Variants in ABCA3 observed in about 807,000 individuals in gnomAD.
The protein encoded by ABCA3 is ATP binding cassette subfamily A member 3.
Under a neutral mutation model 172.8 loss-of-function variants are expected in ABCA3, and 88 were observed. The observed-to-expected ratio is 0.51, with a 90% confidence interval of 0.43 to 0.61. ABCA3 has a LOEUF of 0.61. Ranked by LOEUF, ABCA3 falls within the 20% of genes least tolerant of loss-of-function variation. ABCA3 has a pLI of 0.00. For synonymous variants in ABCA3, 1,066 were observed against 983.8 expected (o/e 1.08, Z -1.56); for missense variants, 2,164 against 2,301.0 (o/e 0.94, Z 1.22).
chr16:2,336,403 T>C (rs190034123), intron 1 of ABCA3, among the ~76,000 whole-genome samples: 24 of 152,014 alleles, frequency 1.6e-4, no homozygotes, highest in Middle Eastern at 3.4e-3. Flanking sequence ...TAAATGCTGT[T>C]AATAACTAGG....
Position 2,278,099 on chromosome 16 carries a change from C to T in ABCA3, c.4719-30G>A, listed in dbSNP as rs139901455. 587 of 1,612,796 alleles carry T rather than the reference C, an allele frequency of 3.6e-4. 6 individuals carry two copies. The East Asian group carries it at 0.013, about 36-fold the overall frequency. ...GGAGAGGGCGGGACCTCAGATAGGGCTTGGGGTGCCAAAGGCTTGTGCAGA... is the reference window on the plus strand; with the variant it reads ...GGAGAGGGCGGGACCTCAGATAGGGTTTGGGGTGCCAAAGGCTTGTGCAGA... On this transcript the variant is annotated intron_variant, in intron 30 of 32. Transcript: ENST00000301732. This position sits in a 1 kb window ranked among gnomAD's most constrained non-coding sequence, Gnocchi z 4.4.
In ABCA3 at chr16:2,288,157, A is replaced by T. The variant is rs1345056560; in HGVS notation, c.2873T>A (p.Leu958Gln). ...GGTTCTGCCGTACTCGCCCAAGGTC[A>T]GCCTCAGCATGGGGTCGTCGAAGAG... ...SELFDDPMLR[L>Q]TLGEYGRTVV... is the part of the protein sequence containing the mutation. Residue 958 changes from leucine (L) to glutamine (Q), a missense_variant, in exon 21 of 33, where the codon CTG becomes CAG. By Grantham distance (113) the Leu-to-Gln change is moderately radical. Transcript: ENST00000301732. 1.2e-6 allele frequency: 2 copies of T among 1,611,258 alleles called. No individual in the cohort carries two copies. The highest frequency in any genetic ancestry group is 1.7e-6 in the Non-Finnish European group (2 of 1,178,736).
intron 14 of ABCA3, 96 bp downstream of exon 14, chr16:2,299,307 C>G (rs190727873): frequency 1.3e-6 from 2 of 1,563,720 alleles, no homozygotes; most frequent in South Asian, 1.1e-5. Flanking sequence ...GGGGAAGGCC[C>G]GAAAGCCCCA....
At position 2,297,452 on chromosome 16, in the gene ABCA3, G is replaced by T; in HGVS notation, c.2140C>A (p.Arg714Ser). Reference sequence around the variant, plus strand: ...AAGTGGGTGGTCAGCACGATGGTGCGGTCACTTTTCTGCCGCTGAAGAAGA... The same window carrying T: ...AAGTGGGTGGTCAGCACGATGGTGCTGTCACTTTTCTGCCGCTGAAGAAGA... ...WDLLQRQKSD[R>S]TIVLTTHFMD... Residue 714 changes from arginine (R) to serine (S), a missense_variant, in exon 17 of 33, where the codon CGC becomes AGC. Coordinates refer to ENST00000301732, the MANE Select transcript of ABCA3 (RefSeq NM_001089.3). This position sits in a 1 kb window ranked among gnomAD's most constrained non-coding sequence, Gnocchi z 5.6. The T allele has an allele frequency of 6.2e-7, 1 of 1,613,776 alleles. No homozygotes were observed. Among genetic ancestry groups the T allele is most frequent in the Middle Eastern group, 1.7e-4 (1 of 5,998 alleles).
chr16:2,324,379 T>C (rs1223942658), intron 6 of ABCA3, 25 bp downstream of exon 6: 1 of 1,571,080 alleles, frequency 6.4e-7, no homozygotes, highest in Admixed American at 1.8e-5. Flanking sequence ...GGGCTGTGAC[T>C]GCTCGGCCCG....
intron 11 of ABCA3, among the ~76,000 whole-genome samples, chr16:2,304,546 G>T (rs1202580077): frequency 8.2e-6 from 1 of 121,614 alleles, no homozygotes; most frequent in Admixed American, 1.1e-4. Flanking sequence ...TTGCTCTGTC[G>T]CCCAGGCAGG....
rs1299695616 is a variant in ABCA3, at chr16:2,299,326, G to T, written c.1741+77C>A. ...AAGGCCCGAAAGCCCCATTGAGGGA[G>T]TGAGGCGGGGCTGGCGCTGAGATGG... is the stretch of plus-strand genomic sequence containing the variant. On this transcript the variant is annotated intron_variant, in intron 14 of 32. Transcript: ENST00000301732. 7 of 1,591,946 alleles carry T rather than the reference G, an allele frequency of 4.4e-6. No homozygotes were observed. The East Asian group carries it at 8.9e-5, about 20-fold the overall frequency.
At position 2,288,402 on chromosome 16, in the gene ABCA3, A is replaced by G. The variant is rs964180691; in HGVS notation, c.2701-73T>C. 18 of 1,495,992 alleles carry G rather than the reference A, an allele frequency of 1.2e-5. No homozygotes were observed. In the African/African-American group the frequency reaches 1.9e-4, roughly 16 times the overall value. 92.7% of individuals were successfully genotyped at this position (1,495,992 alleles called of 1,614,324 possible). On this transcript the variant is annotated intron_variant, in intron 20 of 32. Transcript: ENST00000301732. Reference sequence around the variant, plus strand: ...CGCCTGACCCCCACCCACCTGCGGCAGGTGCTGTTCTGTGTGACGCCAGCC... The same window carrying G: ...CGCCTGACCCCCACCCACCTGCGGCGGGTGCTGTTCTGTGTGACGCCAGCC...
Position 2,284,847 on chromosome 16 carries a change from C to G in ABCA3, c.3635G>C (p.Arg1212Thr), listed in dbSNP as rs2093660301. The change falls in exon 24 of 33, where the codon AGG becomes ACG. Residue 1212 changes from arginine to threonine, a missense_variant. By Grantham distance (71) the Arg-to-Thr change is moderately conservative. Transcript: ENST00000301732. This position sits in a 1 kb window ranked among gnomAD's most constrained non-coding sequence, Gnocchi z 5.9. ...FFLGAATAYT[R>T]LTIFNILSGI... ...TGACAGGATGTTGAAGATGGTCAGC[C>G]TCGTGTAGGCAGTGGCCGCCCCCAA... 1.2e-6 allele frequency: 2 copies of G among 1,613,800 alleles called. No individual in the cohort carries two copies. The highest frequency in any genetic ancestry group is 8.5e-7 in the Non-Finnish European group (1 of 1,179,976).
In ABCA3 at chr16:2,297,450, G is replaced by A; in HGVS notation, c.2142C>T (p.Arg714=). ...WDLLQRQKSD[R]TIVLTTHFMD... ...TGAAGTGGGTGGTCAGCACGATGGT[G>A]CGGTCACTTTTCTGCCGCTGAAGAA... The change falls in exon 17 of 33, where the codon CGC becomes CGT. Residue 714 remains arginine (R), a synonymous_variant. Coordinates refer to ENST00000301732, the MANE Select transcript of ABCA3 (RefSeq NM_001089.3). This position sits in a 1 kb window ranked among gnomAD's most constrained non-coding sequence, Gnocchi z 5.6. 1 of 1,613,808 alleles carries A rather than the reference G, an allele frequency of 6.2e-7. No individual in the cohort carries two copies. Among genetic ancestry groups the A allele is most frequent in the Non-Finnish European group, 8.5e-7 (1 of 1,180,036 alleles).
chr16:2,328,220 T>C (rs569024510), intron 3 of ABCA3, among the ~76,000 whole-genome samples: 1 of 152,308 alleles, frequency 6.6e-6, no homozygotes, highest in African/African-American at 2.4e-5. Flanking sequence ...AAAATCTGTC[T>C]TACTAAATTT....
chr16:2,310,612 G>A (rs323071), intron 10 of ABCA3, among the ~76,000 whole-genome samples: 1 of 150,678 alleles, frequency 6.6e-6, no homozygotes, highest in African/African-American at 2.4e-5. Flanking sequence ...TGCCTCCTGG[G>A]CTCAAGCGAT....
chr16:2,288,719 A>G (rs982874525), intron 20 of ABCA3, among the ~76,000 whole-genome samples: 1 of 151,982 alleles, frequency 6.6e-6, no homozygotes, highest in Non-Finnish European at 1.5e-5. Context: ...TAATTTTTGT[A>G]TTTTTAGTAG....
Position 2,285,642 on chromosome 16 carries a change from G to A in ABCA3, c.3283C>T (p.Arg1095Trp), listed in dbSNP as rs905738935. Residue 1095 changes from arginine to tryptophan, a missense_variant, in exon 23 of 33, where the codon CGG becomes TGG. This residue lies in a region of ABCA3 where 795 missense variants were observed against 881.9 expected (regional missense o/e 0.90). Transcript: ENST00000301732. This position sits in a 1 kb window ranked among gnomAD's most constrained non-coding sequence, Gnocchi z 4.7. ...TTGAGGGCAATGTCGAATCCCTTCC[G>A]GCCCCTGCGGGGGACAGAGAAGGTC... ...QAAKDQFNEGRKGFDIALNLL... is the reference protein window; with the variant it reads ...QAAKDQFNEGWKGFDIALNLL... 153 of 1,551,852 alleles carry A rather than the reference G, an allele frequency of 9.9e-5. No individual in the cohort carries two copies. Among genetic ancestry groups the A allele is most frequent in the Non-Finnish European group, 1.3e-4 (145 of 1,147,234 alleles).
At chr16:2,335,113 G>A (rs1022339808) in intron 1 of ABCA3, among the ~76,000 whole-genome samples, 1 of 152,016 alleles carries the variant, frequency 6.6e-6, no homozygotes, top group African/African-American at 2.4e-5. Flanking sequence ...ACAGGTGTAA[G>A]CCACTGTGCC....
rs71148128 is a variant in ABCA3, at chr16:2,316,490, C to CAAAAAAAA, written c.1111+785_1111+792dup. The stretch of plus-strand genomic sequence containing the variant: ...CAAAACCCCGTCTCTACTAAAAATG[C>CAAAAAAAA]AAAAAAAAAAAAAAAAAAAAAAAAA... On this transcript the variant is annotated intron_variant, in intron 10 of 32. Transcript: ENST00000301732. 1.7e-3 allele frequency among the ~76,000 whole-genome samples: 50 copies of CAAAAAAAA among 28,872 alleles called. 21 individuals are homozygous for CAAAAAAAA. The highest frequency in any genetic ancestry group is 2.8e-3 in the Non-Finnish European group (37 of 13,002). 18.9% of individuals were successfully genotyped at this position (28,872 alleles called of 152,430 possible). A position where few individuals can be genotyped will look rare whatever the true frequency, so the allele number is the denominator to read the frequency against.
chr16:2,312,075 T>C (rs2141723390), intron 10 of ABCA3, among the ~76,000 whole-genome samples: 1 of 152,324 alleles, frequency 6.6e-6, no homozygotes, highest in Non-Finnish European at 1.5e-5. Flanking sequence ...TCATACAATA[T>C]TAAAAAAATT....
Position 2,284,021 on chromosome 16 carries a change from C to G in ABCA3, c.3862+258G>C. ...AGCCATGGGGGATTCACTCCTCGTG[C>G]TAAGCGCTGGTCTGTGGTTCCTTGT... On this transcript the variant is annotated intron_variant, in intron 25 of 32. Transcript: ENST00000301732. The surrounding 1 kb of genome is among the most constrained non-coding windows in gnomAD (Gnocchi z 5.9). The G allele has an allele frequency of 2.2e-6, 1 of 458,226 alleles. No individual in the cohort carries two copies. The highest frequency in any genetic ancestry group is 2.4e-5 in the South Asian group (1 of 41,800). 28.4% of individuals were successfully genotyped at this position (458,226 alleles called of 1,614,324 possible).
rs1033077802 is a variant in ABCA3 at position 2,281,057 on chromosome 16, C to T, written c.4329G>A (p.Gly1443=). ...ESLTSGDAFV[G]GHRISSDVGK... is the part of the protein sequence containing the mutation. ...CGACATCAGAGCTGATTCTGTGACC[C>T]CCGACAAAGGCATCCCCAGAAGTGA... Residue 1443 remains glycine, a synonymous_variant, in exon 28 of 33, where the codon GGG becomes GGA. Coordinates refer to ENST00000301732, the MANE Select transcript of ABCA3 (RefSeq NM_001089.3). This position sits in a 1 kb window ranked among gnomAD's most constrained non-coding sequence, Gnocchi z 4.7. 3 of 1,613,776 alleles carry T rather than the reference C, an allele frequency of 1.9e-6. No homozygotes were observed. Among genetic ancestry groups the T allele is most frequent in the South Asian group, 2.2e-5 (2 of 91,086 alleles).
Sources: allele counts gnomAD v4.1 joint callset (sites outside exome capture counted in the v4.1 genomes callset), GRCh38; gene constraint gnomAD v4.1.1; regional missense constraint gnomAD v4.1.1; non-coding constraint Gnocchi (gnomAD v3.1); transcripts MANE v1.5; gene names NCBI Gene and HGNC (gene_info 2026-07-23, HGNC 2026-07-21).